GPHN: variants seen among roughly 807,000 people sequenced by gnomAD.
The protein encoded by GPHN is gephyrin.
A neutral mutation model predicts 95.5 loss-of-function variants in GPHN; 17 were observed. That is an observed-to-expected ratio of 0.18 (90% CI 0.12 to 0.27). The LOEUF (loss-of-function observed/expected upper bound fraction) is 0.27, where lower values mean the gene tolerates loss of function less well. GPHN is among the 10% of genes least tolerant of loss of function. The pLI is 1.00. For missense variants in GPHN, 660 were observed against 978.1 expected (o/e 0.67, Z 4.34); for synonymous variants, 320 against 322.5 (o/e 0.99, Z 0.08).
intron 2 of GPHN, among the ~76,000 whole-genome samples, chr14:66,769,298 T>C (rs111737220): frequency 5.1e-4 from 77 of 152,196 alleles, no homozygotes; most frequent in African/African-American, 1.6e-3. Flanking sequence ...TGAGCCTATG[T>C]AGAGTTTTTA....
the GPHN span, chr14:67,225,348 C>G: frequency 3.5e-6 from 3 of 851,044 alleles, no homozygotes; most frequent in South Asian, 2.1e-5. Flanking sequence ...TAAGTGGGAT[C>G]TTTTAACATT....
rs986296045 is a variant in GPHN at position 66,842,854 on chromosome 14, A to G, written c.294+18288A>G. On this transcript the variant is annotated intron_variant, in intron 4 of 22. Transcript: ENST00000478722. ...TTTCCTTGTGGATTGTTATGTATCT[A>G]TGTTCTAGGGTCATTCTGTATCCCT... The G allele has an allele frequency of 1.2e-4, 81 of 660,516 alleles. 1 individual carries two copies. Among genetic ancestry groups the G allele is most frequent in the Admixed American group, 8.8e-4 (34 of 38,786 alleles). 40.9% of individuals were successfully genotyped at this position (660,516 alleles called of 1,614,324 possible).
chr14:66,519,845 C>T (rs540032694), intron 1 of GPHN, among the ~76,000 whole-genome samples: 22 of 152,162 alleles, frequency 1.4e-4, no homozygotes, highest in Non-Finnish European at 2.9e-4. Flanking sequence ...TCATTTAATC[C>T]TCGTAATAAT....
At chr14:67,658,395 T>C in the GPHN span, among the ~76,000 whole-genome samples, 147,512 of 152,040 alleles carry the variant, frequency 0.97, 71,690 homozygotes, top group East Asian at 1. Context: ...GAGATGGAGA[T>C]CATCCTGGCT....
the GPHN span, chr14:67,729,827 A>T: frequency 2.1e-6 from 1 of 473,924 alleles, no homozygotes; most frequent in Non-Finnish European, 4.2e-6. Context: ...TATCTGTTGA[A>T]ATATAGAAGT....
At chr14:67,414,583 C>A in the GPHN span, among the ~76,000 whole-genome samples, 4 of 152,302 alleles carry the variant, frequency 2.6e-5, no homozygotes, top group African/African-American at 9.6e-5. Context: ...CCCTTTTTGT[C>A]CCGAAGGGAC....
At chr14:67,204,891 AGACATCACC>A in the GPHN span, 1 of 1,614,018 alleles carries the variant, frequency 6.2e-7, no homozygotes, top group Non-Finnish European at 8.5e-7. Flanking sequence ...CAGAATTCAC[AGACATCACC>A]GACATCACAG....
At chr14:67,592,522 T>C in the GPHN span, 2 of 642,582 alleles carry the variant, frequency 3.1e-6, no homozygotes, top group Non-Finnish European at 5.6e-6. Context: ...AAATCCTAAT[T>C]ATCACTCAAA....
chr14:66,770,012 A>G (rs986070979), intron 2 of GPHN, among the ~76,000 whole-genome samples: 12 of 152,072 alleles, frequency 7.9e-5, no homozygotes, highest in Admixed American at 2.6e-4. Context: ...ACTTTTTAAT[A>G]ATAGCCATTC....
chr14:66,677,555 T>C (rs1050910478), intron 1 of GPHN, among the ~76,000 whole-genome samples: 1 of 152,108 alleles, frequency 6.6e-6, no homozygotes, highest in South Asian at 2.1e-4. Flanking sequence ...ATTAATCTTA[T>C]TAATTTTTGA....
chr14:66,797,378 A>G (rs1200895174), intron 3 of GPHN, among the ~76,000 whole-genome samples: 1 of 151,814 alleles, frequency 6.6e-6, no homozygotes, highest in East Asian at 1.9e-4. Flanking sequence ...GAGTAACATT[A>G]GTATTTTGAT....
At chr14:67,035,759 A>G (rs999557161) in intron 10 of GPHN, among the ~76,000 whole-genome samples, 3 of 151,840 alleles carry the variant, frequency 2.0e-5, no homozygotes, top group Non-Finnish European at 4.4e-5. Context: ...AAACCTCCCC[A>G]TAAAGAAAAC....
intron 5 of GPHN, among the ~76,000 whole-genome samples, chr14:66,911,715 C>T (rs536363286): frequency 3.4e-4 from 52 of 152,036 alleles, no homozygotes; most frequent in Non-Finnish European, 6.5e-4. Flanking sequence ...CTGTTGTGAT[C>T]AAGTTTAACA....
intron 1 of GPHN, among the ~76,000 whole-genome samples, chr14:66,641,642 A>G (rs2064415283): frequency 6.6e-6 from 1 of 150,658 alleles, no homozygotes; most frequent in Admixed American, 6.7e-5. Flanking sequence ...AGCTGATAGA[A>G]CAAGTAGATG....
chr14:67,173,910 T>TA (rs113142672), intron 21 of GPHN, among the ~76,000 whole-genome samples: 9,568 of 151,230 alleles, frequency 0.063, 330 homozygotes, highest in Middle Eastern at 0.085. Context: ...ATAAATGAAA[T>TA]AAAAATGCAA....
At chr14:66,689,999 C>G (rs1204447565) in intron 2 of GPHN, among the ~76,000 whole-genome samples, 1 of 151,636 alleles carries the variant, frequency 6.6e-6, no homozygotes, top group Non-Finnish European at 1.5e-5. Context: ...TTTCATAAAA[C>G]CAACTTTTTG....
chr14:66,591,959 A>C (rs1282567026), intron 1 of GPHN, among the ~76,000 whole-genome samples: 1 of 152,234 alleles, frequency 6.6e-6, no homozygotes, highest in Admixed American at 6.5e-5. Context: ...CAAAACAGAT[A>C]TATAGGCTAA....
chr14:67,201,556 A>G, the GPHN span: 8 of 455,414 alleles, frequency 1.8e-5, no homozygotes, highest in Non-Finnish European at 3.5e-5. Flanking sequence ...GGGTTGGAGG[A>G]TACCTCCTGT....
chr14:66,650,999 T>C (rs1379913943), intron 1 of GPHN, among the ~76,000 whole-genome samples: 2 of 152,190 alleles, frequency 1.3e-5, no homozygotes, highest in African/African-American at 4.8e-5. Context: ...TTAAAATACA[T>C]GCCCTTAACT....
Sources: allele counts gnomAD v4.1 joint callset (sites outside exome capture counted in the v4.1 genomes callset), GRCh38; gene constraint gnomAD v4.1.1; transcripts MANE v1.5; gene names NCBI Gene and HGNC (gene_info 2026-07-23, HGNC 2026-07-21).